The following MYH14 variants were observed in gnomAD, a reference collection of about 807,000 sequenced individuals.
The protein encoded by MYH14 is myosin-14.
Under a neutral mutation model 255.5 loss-of-function variants are expected in MYH14, and 123 were observed. That is an observed-to-expected ratio of 0.48 (90% confidence interval 0.42 to 0.56). The LOEUF (loss-of-function observed/expected upper bound fraction) is 0.56. Ranked by LOEUF, MYH14 falls within the 20% of genes least tolerant of loss-of-function variation. MYH14 has a pLI of 0.00. For synonymous variants in MYH14, 1,095 were observed against 1,161.2 expected, an observed-to-expected ratio of 0.94 and a Z score of 1.16; for missense variants, 2,423 against 2,802.3, an observed-to-expected ratio of 0.86 and a Z score of 3.06.
Position 50,310,133 on chromosome 19 carries a change from C to T in MYH14, c.*343C>T. The T allele has an allele frequency of 2.8e-6, 1 of 358,914 alleles. No homozygotes were observed. 22.2% of individuals were successfully genotyped at this position (358,914 alleles called of 1,614,324 possible). A position where few individuals can be genotyped will look rare whatever the true frequency, so the allele number is the denominator to read the frequency against. On this transcript the variant is annotated 3_prime_UTR_variant, in exon 43 of 43. Coordinates refer to ENST00000642316, the MANE Select transcript of MYH14 (RefSeq NM_001145809.2). ...CATTAGGAAGGGAGTGAGACGGCTC[C>T]TCCACCATCCTCAGCCAGTGCAACC...
rs2034439425 is a variant in MYH14 at position 50,252,512 on chromosome 19, C to T, written c.1831-127C>T. On this transcript the variant is annotated intron_variant, in intron 15 of 42. Transcript: ENST00000642316. This position sits in a 1 kb window ranked among gnomAD's most constrained non-coding sequence, Gnocchi z 4.2. ...TTCAGAATATGGACACAAGGTGGCA[C>T]CAGTGCTCGCTTGTCCATGGTGAGC... 2.8e-6 allele frequency: 2 copies of T among 702,034 alleles called. No homozygotes were observed. The highest frequency in any genetic ancestry group is 1.8e-5 in the African/African-American group (1 of 56,936). 43.5% of individuals were successfully genotyped at this position (702,034 alleles called of 1,614,324 possible).
chr19:50,289,649 G>A lies in MYH14; in HGVS notation c.4965+1G>A. The A allele has an allele frequency of 6.2e-7, 1 of 1,604,160 alleles. No individual in the cohort carries two copies. Among genetic ancestry groups the A allele is most frequent in the Non-Finnish European group, 8.5e-7 (1 of 1,176,378 alleles). The stretch of plus-strand genomic sequence containing the variant: ...GAGGCGGAGGCAGCTGGCCAAGCAG[G>A]TATTGTCACACAGAAGGCCACAGGG... On this transcript the variant is annotated splice_donor_variant, in intron 35 of 42. Transcript: ENST00000642316. LOFTEE classifies it high-confidence loss of function.
intron 39 of MYH14, among the ~76,000 whole-genome samples, chr19:50,300,301 C>T (rs1184912466): frequency 6.6e-6 from 1 of 152,258 alleles, no homozygotes; most frequent in East Asian, 1.9e-4. Flanking sequence ...GGGGCTGAAA[C>T]GGTTCTCATC....
Position 50,223,359 on chromosome 19 carries a change from C to G in MYH14, c.693+10C>G. On this transcript the variant is annotated intron_variant, in intron 5 of 42. Coordinates refer to ENST00000642316, the MANE Select transcript of MYH14 (RefSeq NM_001145809.2). The stretch of plus-strand genomic sequence containing the variant: ...GGAGCCGGGTGTCCCCGTAAGCAAC[C>G]CCGCCTTGGGTCACCCCCGGGCCCT... 4 of 1,552,558 alleles carry G rather than the reference C, an allele frequency of 2.6e-6. No homozygotes were observed. Among genetic ancestry groups the G allele is most frequent in the Non-Finnish European group, 3.5e-6 (4 of 1,145,100 alleles).
intron 22 of MYH14, among the ~76,000 whole-genome samples, chr19:50,264,195 G>A (rs548342001): frequency 6.6e-6 from 1 of 151,074 alleles, no homozygotes; most frequent in South Asian, 2.1e-4. Context: ...TCCCAGCAAT[G>A]AAGTATGATA....
intron 15 of MYH14, among the ~76,000 whole-genome samples, chr19:50,251,696 G>C (rs616977): frequency 0.16 from 23,752 of 151,824 alleles, 2,076 homozygotes; most frequent in African/African-American, 0.19. Context: ...TTCTGCCTCA[G>C]CCTCCCCAGT....
chr19:50,270,634 G>A (rs17372231), intron 24 of MYH14, among the ~76,000 whole-genome samples: 79,898 of 151,298 alleles, frequency 0.53, 21,578 homozygotes, highest in Admixed American at 0.67. Flanking sequence ...CATGTTGGCA[G>A]TACCCATTTC....
At chr19:50,274,348 G>T (rs2035426851) in intron 27 of MYH14, among the ~76,000 whole-genome samples, 1 of 152,136 alleles carries the variant, frequency 6.6e-6, no homozygotes, top group African/African-American at 2.4e-5. Context: ...AGGCTGGAGT[G>T]CAGTGGCATG....
At position 50,271,573 on chromosome 19, in the gene MYH14, A is replaced by C. The variant is rs371424931; in HGVS notation, c.3171+27A>C. The C allele has an allele frequency of 1.1e-5, 18 of 1,596,134 alleles. No homozygotes were observed. In the African/African-American group the frequency reaches 2.4e-4, roughly 21 times the overall value. ...TTGGGGGCCTGAGGGCAGCTGGGAA[A>C]GTGGGGATGGGGTGCATTGGTGGGT... On this transcript the variant is annotated intron_variant, in intron 25 of 42. Transcript: ENST00000642316.
rs528862176 is a variant in MYH14, at chr19:50,280,522, C to T, written c.4290+139C>T. The stretch of plus-strand genomic sequence containing the variant: ...GGGTGCCTTTCTCATCTCTGACTCC[C>T]CCTTACCCCCCACAGCCCATGCCCA... On this transcript the variant is annotated intron_variant, in intron 32 of 42. Transcript: ENST00000642316. This position sits in a 1 kb window ranked among gnomAD's most constrained non-coding sequence, Gnocchi z 4.8. 41 of 898,056 alleles carry T rather than the reference C, an allele frequency of 4.6e-5. No homozygotes were observed. The South Asian group carries it at 6.8e-4, about 15-fold the overall frequency. 55.6% of individuals were successfully genotyped at this position (898,056 alleles called of 1,614,324 possible).
intron 2 of MYH14, among the ~76,000 whole-genome samples, chr19:50,215,245 C>A (rs2032413249): frequency 6.6e-6 from 1 of 152,138 alleles, no homozygotes; most frequent in Non-Finnish European, 1.5e-5. Context: ...GGAGTGGGTT[C>A]CTCCGCCAGC....
chr19:50,210,577 G>A lies in MYH14; in HGVS notation c.212G>A (p.Arg71Gln), dbSNP rs1034390417. The A allele has an allele frequency of 2.5e-6, 4 of 1,577,574 alleles. No homozygotes were observed. The highest frequency in any genetic ancestry group is 2.7e-5 in the African/African-American group (2 of 74,092). The change falls in exon 2 of 43, where the codon CGG (arginine) becomes CAG (glutamine). Residue 71 changes from arginine (R) to glutamine (Q), a missense_variant. Around this residue, in one of 3 missense-constraint regions of MYH14, gnomAD observed 238 missense variants for 245.8 expected, o/e 0.97. Coordinates refer to ENST00000642316, the MANE Select transcript of MYH14 (RefSeq NM_001145809.2). Reference protein sequence around the residue: ...ELHGFEAAALRDEGEEEAEVE... With the variant: ...ELHGFEAAALQDEGEEEAEVE... ...CACGGGTTCGAGGCGGCGGCGCTGC[G>A]GGACGAAGGCGAGGAGGAGGCGGAG...
intron 41 of MYH14, among the ~76,000 whole-genome samples, chr19:50,307,797 G>A (rs565965211): frequency 6.6e-6 from 1 of 152,338 alleles, no homozygotes; most frequent in South Asian, 2.1e-4. Flanking sequence ...GAGTCACAGA[G>A]ATAGAGCCTG....
intron 33 of MYH14, among the ~76,000 whole-genome samples, chr19:50,283,125 A>ATTT (rs5828430): frequency 6.7e-6 from 1 of 148,698 alleles, no homozygotes; most frequent in African/African-American, 2.5e-5. Context: ...ACTCAAAATA[A>ATTT]TTTTTTTTTT....
At chr19:50,295,453 G>A (rs933671859) in intron 39 of MYH14, among the ~76,000 whole-genome samples, 1 of 151,992 alleles carries the variant, frequency 6.6e-6, no homozygotes, top group Non-Finnish European at 1.5e-5. Flanking sequence ...ACCAGCCTGG[G>A]CAACACAGTG....
rs1463314712 is a variant in MYH14, at chr19:50,257,364, C to T, written c.2110C>T (p.Arg704Cys). ...CGACGGCCCACCAGGTGGCCGCCCC[C>T]GTCGGGGTATGTTCCGGACAGTGGG... ...LGDGPPGGRP[R>C]RGMFRTVGQL... The change falls in exon 18 of 43, where the codon CGT (arginine) becomes TGT (cysteine). Residue 704 changes from arginine (R) to cysteine (C), a missense_variant. Transcript: ENST00000642316. The T allele has an allele frequency of 1.9e-6, 3 of 1,608,560 alleles. No individual in the cohort carries two copies. The highest frequency in any genetic ancestry group is 1.7e-5 in the Admixed American group (1 of 59,268).
At chr19:50,249,525 CCCT>C in intron 13 of MYH14, 122 bp from the exon 14 acceptor site, 38 of 1,053,880 alleles carry the variant, frequency 3.6e-5, no homozygotes, top group African/African-American at 1.6e-4. Flanking sequence ...GTCTCTGTCC[CCCT>C]CTCTCTGGGT....
chr19:50,288,957 C>T (rs1038766740), intron 34 of MYH14, among the ~76,000 whole-genome samples: 4 of 152,072 alleles, frequency 2.6e-5, no homozygotes. Context: ...ATCAGGGACC[C>T]TCCCAAACAG....
Position 50,276,614 on chromosome 19 carries a change from T to G in MYH14, c.3681-143T>G, listed in dbSNP as rs568902660. On this transcript the variant is annotated intron_variant, in intron 28 of 42. Coordinates refer to ENST00000642316, the MANE Select transcript of MYH14 (RefSeq NM_001145809.2). The surrounding 1 kb of genome is among the most constrained non-coding windows in gnomAD (Gnocchi z 4.3). ...TTAAAGCCACACTCCTTCCACAGCA[T>G]CACCACCCAGATCTCCTGAGGAGCA... 6.0e-5 allele frequency: 64 copies of G among 1,061,130 alleles called. No individual in the cohort carries two copies. The African/African-American group carries it at 9.9e-4, about 16-fold the overall frequency. 65.7% of individuals were successfully genotyped at this position (1,061,130 alleles called of 1,614,324 possible).
Sources: allele counts gnomAD v4.1 joint callset (sites outside exome capture counted in the v4.1 genomes callset), GRCh38; gene constraint gnomAD v4.1.1; regional missense constraint gnomAD v4.1.1; non-coding constraint Gnocchi (gnomAD v3.1); transcripts MANE v1.5; gene names NCBI Gene and HGNC (gene_info 2026-07-23, HGNC 2026-07-21).